ZNF470: variants seen among roughly 807,000 people sequenced by gnomAD.
ZNF470 encodes chondrogenesis zinc finger protein 1.
In ZNF470, 13 loss-of-function variants were observed where a neutral mutation model predicts 13.9. The ratio of observed to expected loss-of-function variants is 0.94; its 90% CI spans 0.61 to 1.49. ZNF470 has a LOEUF of 1.49. Ranked by LOEUF, ZNF470 falls within the 40% of genes most tolerant of loss-of-function variation. The pLI, the probability that ZNF470 is intolerant of heterozygous loss-of-function variation, is 0.00. For synonymous variants in ZNF470, 293 were observed against 282.9 expected (o/e 1.04, Z -0.36); for missense variants, 929 against 857.3 (o/e 1.08, Z -1.04).
intron 5 of ZNF470, 116 bp downstream of exon 5, chr19:56,574,849 C>G (rs2044478468): frequency 1.2e-6 from 1 of 865,184 alleles, no homozygotes; most frequent in Non-Finnish European, 1.8e-6. Context: ...TCTTCTAACA[C>G]CAGTTTTTGA....
At position 56,577,404 on chromosome 19, in the gene ZNF470, A is replaced by C. The variant is rs770694593; in HGVS notation, c.975A>C (p.Ala325=). ...GTAATAAAGCATTCAGCCAGCTTGC[A>C]CACCTTGCTCAACATCAGAGGGTCC... ...KQCNKAFSQL[A]HLAQHQRVHT... is the part of the protein sequence containing the mutation. Residue 325 remains alanine, a synonymous_variant, in exon 6 of 6, where the codon GCA becomes GCC. Transcript: ENST00000330619. 3.7e-6 allele frequency: 6 copies of C among 1,613,718 alleles called. No individual in the cohort carries two copies. The East Asian group carries it at 1.3e-4, about 36-fold the overall frequency.
rs973352860 is a variant in ZNF470, at chr19:56,579,719, T to C, written c.*1136T>C. The C allele has an allele frequency of 9.2e-6, 9 of 983,394 alleles. No homozygotes were observed. The Admixed American group carries it at 1.8e-4, about 20-fold the overall frequency. The allele number at this position is 983,394 out of a possible 1,614,324, so 60.9% of individuals were successfully genotyped here. ...GCAATTAGTTTCTGAATGTAGATGTTACAACTTAAACTTATTTTTAAAATA... is the reference window on the plus strand; with the variant it reads ...GCAATTAGTTTCTGAATGTAGATGTCACAACTTAAACTTATTTTTAAAATA... On this transcript the variant is annotated 3_prime_UTR_variant, in exon 6 of 6. Coordinates refer to ENST00000330619, the MANE Select transcript of ZNF470 (RefSeq NM_001001668.4).
intron 1 of ZNF470, 130 bp from the exon 2 acceptor site, chr19:56,568,628 A>G (rs12979383): frequency 0.33 from 50,561 of 152,142 alleles, 9,063 homozygotes; most frequent in African/African-American, 0.48. Context: ...AGTTTCCTGC[A>G]TGCTATAGTA....
At position 56,581,346 on chromosome 19, in the gene ZNF470, A is replaced by G; in HGVS notation, c.*2763A>G. On this transcript the variant is annotated 3_prime_UTR_variant, in exon 6 of 6. Coordinates refer to ENST00000330619, the MANE Select transcript of ZNF470 (RefSeq NM_001001668.4). ...CGAGTGATAACATTCAGTATTGGTG[A>G]ATGTGTGGAAACAAGGGAATTCCAT... 1 of 911,292 alleles carries G rather than the reference A, an allele frequency of 1.1e-6. No individual in the cohort carries two copies. The highest frequency in any genetic ancestry group is 1.3e-6 in the Non-Finnish European group (1 of 762,468). 56.5% of individuals were successfully genotyped at this position (911,292 alleles called of 1,614,324 possible). A position where few individuals can be genotyped will look rare whatever the true frequency, so the allele number is the denominator to read the frequency against.
At position 56,577,367 on chromosome 19, in the gene ZNF470, A is replaced by G. The variant is rs2044497185; in HGVS notation, c.938A>G (p.Gln313Arg). The stretch of plus-strand genomic sequence containing the variant: ...GTTCATACTGGAGAGAAACCTTATC[A>G]GTGTAAGCAGTGTAATAAAGCATTC... ...QRVHTGEKPY[Q>R]CKQCNKAFSQ... Residue 313 changes from glutamine to arginine, a missense_variant, in exon 6 of 6, where the codon CAG (glutamine) becomes CGG (arginine). Gln to Arg is a conservative substitution (Grantham distance 43). Coordinates refer to ENST00000330619, the MANE Select transcript of ZNF470 (RefSeq NM_001001668.4). The G allele has an allele frequency of 6.2e-7, 1 of 1,613,256 alleles. No individual in the cohort carries two copies. Among genetic ancestry groups the G allele is most frequent in the South Asian group, 1.1e-5 (1 of 91,044 alleles).
Position 56,578,648 on chromosome 19 carries a change from G to A in ZNF470, c.*65G>A. The A allele has an allele frequency of 1.4e-6, 2 of 1,383,258 alleles. No homozygotes were observed. The highest frequency in any genetic ancestry group is 1.9e-6 in the Non-Finnish European group (2 of 1,063,258). 85.7% of individuals were successfully genotyped at this position (1,383,258 alleles called of 1,614,324 possible). The stretch of plus-strand genomic sequence containing the variant: ...TTCCAGCACATGTCCCATCATCATA[G>A]TCCAAGACGCAACCATCTCATCTGG... On this transcript the variant is annotated 3_prime_UTR_variant, in exon 6 of 6. Transcript: ENST00000330619.
intron 2 of ZNF470, among the ~76,000 whole-genome samples, chr19:56,569,893 A>G (rs1264280362): frequency 6.6e-6 from 1 of 152,142 alleles, no homozygotes; most frequent in Admixed American, 6.5e-5. Flanking sequence ...AGGAGGCCTA[A>G]GCAGGAGGAT....
chr19:56,574,823 C>T (rs2044478382), intron 5 of ZNF470, 90 bp downstream of exon 5: 5 of 1,149,880 alleles, frequency 4.3e-6, no homozygotes, highest in Admixed American at 5.3e-5. Context: ...AAACTCCCTC[C>T]CAAACTGAAA....
At chr19:56,572,371 A>AATATATATATAT (rs1555772221) in intron 3 of ZNF470, among the ~76,000 whole-genome samples, 5 of 17,238 alleles carry the variant, frequency 2.9e-4, no homozygotes, top group African/African-American at 8.3e-4. Context: ...AAAAAAAAAA[A>AATATATATATAT]ATATATATAT....
In ZNF470 at chr19:56,576,965, C is replaced by A. The variant is rs992750967; in HGVS notation, c.536C>A (p.Thr179Lys). Reference sequence around the variant, plus strand: ...AGAGATCACTCTAACAAATCTGGGACAGTTTTTCATCTGAATACATTATCT... The same window carrying A: ...AGAGATCACTCTAACAAATCTGGGAAAGTTTTTCATCTGAATACATTATCT... ...EKRDHSNKSG[T>K]VFHLNTLSYI... The change falls in exon 6 of 6, where the codon ACA becomes AAA. Residue 179 changes from threonine (T) to lysine (K), a missense_variant. Physicochemically the swap from Thr to Lys is moderately conservative, Grantham distance 78. Coordinates refer to ENST00000330619, the MANE Select transcript of ZNF470 (RefSeq NM_001001668.4). 6.3e-7 allele frequency: 1 copy of A among 1,588,654 alleles called. No homozygotes were observed. Among genetic ancestry groups the A allele is most frequent in the Non-Finnish European group, 8.5e-7 (1 of 1,172,136 alleles).
rs28668141 is a variant in ZNF470 at position 56,578,975 on chromosome 19, A to G, written c.*392A>G. 0.37 allele frequency: 370,202 copies of G among 993,258 alleles called. 71,414 individuals carry two copies. Among genetic ancestry groups the G allele is most frequent in the African/African-American group, 0.64 (37,003 of 57,552 alleles). The allele number at this position is 993,258 out of a possible 1,614,324, so 61.5% of individuals were successfully genotyped here. ...AAGATTTTAGAGCAGACAGAAGACT[A>G]CTCTCCTGGTAGAGAGGAAAGATGA... On this transcript the variant is annotated 3_prime_UTR_variant, in exon 6 of 6. Transcript: ENST00000330619.
intron 3 of ZNF470, among the ~76,000 whole-genome samples, chr19:56,570,663 G>C (rs1372035916): frequency 6.6e-6 from 1 of 152,170 alleles, no homozygotes; most frequent in Non-Finnish European, 1.5e-5. Context: ...ATCTGACAAA[G>C]CAGAAGTACA....
Position 56,577,239 on chromosome 19 carries a change from C to T in ZNF470, c.810C>T (p.His270=), listed in dbSNP as rs749361392. The part of the protein sequence containing the change: ...ECGKAFSQSA[H]LAQHQRIHTG... ...GAAAGGCCTTTAGCCAGAGTGCCCA[C>T]CTTGCTCAACATCAGAGAATACACA... The change falls in exon 6 of 6, where the codon CAC becomes CAT. Residue 270 remains histidine, a synonymous_variant. Transcript: ENST00000330619. 4.3e-6 allele frequency: 7 copies of T among 1,611,732 alleles called. No homozygotes were observed. The African/African-American group carries it at 9.4e-5, about 22-fold the overall frequency.
Position 56,570,320 on chromosome 19 carries a change from C to A in ZNF470, c.9C>A (p.Ser3Arg). MK[S>R]QEEVEVAGIK... ...GTAAAGCTCTTCTCCAAATGAAGAG[C>A]CAGGAAGAGGTAGAGGTGGCAGGAA... The change falls in exon 3 of 6, where the codon AGC (serine) becomes AGA (arginine). Residue 3 changes from serine to arginine, a missense_variant. Ser to Arg is a moderately radical substitution (Grantham distance 110). Transcript: ENST00000330619. 2 of 1,614,074 alleles carry A rather than the reference C, an allele frequency of 1.2e-6. 1 individual carries two copies. Among genetic ancestry groups the A allele is most frequent in the South Asian group, 2.2e-5 (2 of 91,058 alleles).
Position 56,577,024 on chromosome 19 carries a change from ATATT to A in ZNF470, c.598_601del (p.Phe200IlefsTer9). ...ACAGATTTTTCCCATGGAAGAGAGA[ATATT>A]TAATTTTCATACAGATAAGAAAAGC... On this transcript the variant is annotated frameshift_variant, in exon 6 of 6. Transcript: ENST00000330619. LOFTEE classifies it low-confidence loss of function (END_TRUNC). 1.3e-6 allele frequency: 2 copies of A among 1,582,768 alleles called. No individual in the cohort carries two copies. Among genetic ancestry groups the A allele is most frequent in the Non-Finnish European group, 1.7e-6 (2 of 1,169,210 alleles).
Position 56,581,075 on chromosome 19 carries a change from C to A in ZNF470, c.*2492C>A, listed in dbSNP as rs1018290137. The A allele has an allele frequency of 2.0e-6, 2 of 984,358 alleles. No individual in the cohort carries two copies. Among genetic ancestry groups the A allele is most frequent in the Non-Finnish European group, 2.4e-6 (2 of 829,008 alleles). 61.0% of individuals were successfully genotyped at this position (984,358 alleles called of 1,614,324 possible). On this transcript the variant is annotated 3_prime_UTR_variant, in exon 6 of 6. Transcript: ENST00000330619. Reference sequence around the variant, plus strand: ...TAGGCTTTTATATGGTGGAAAACATCATAGTCAATAGATAAATGAGAGACT... The same window carrying A: ...TAGGCTTTTATATGGTGGAAAACATAATAGTCAATAGATAAATGAGAGACT...
At chr19:56,572,693 G>C (rs1485300310) in intron 3 of ZNF470, among the ~76,000 whole-genome samples, 1 of 151,664 alleles carries the variant, frequency 6.6e-6, no homozygotes, top group African/African-American at 2.4e-5. Context: ...AAGCCTTCTA[G>C]TTGATAATCA....
rs2044533747 is a variant in ZNF470 at position 56,581,299 on chromosome 19, T to C, written c.*2716T>C. 1.3e-6 allele frequency: 1 copy of C among 769,056 alleles called. No homozygotes were observed. Among genetic ancestry groups the C allele is most frequent in the South Asian group, 6.0e-5 (1 of 16,804 alleles). 47.6% of individuals were successfully genotyped at this position (769,056 alleles called of 1,614,324 possible). A position where few individuals can be genotyped will look rare whatever the true frequency, so the allele number is the denominator to read the frequency against. On this transcript the variant is annotated 3_prime_UTR_variant, in exon 6 of 6. Coordinates refer to ENST00000330619, the MANE Select transcript of ZNF470 (RefSeq NM_001001668.4). Reference sequence around the variant, plus strand: ...TGCAAATTAAAGTGATTATCTACTTTTTCCCCAAAAGACTGACTAATCGAG... The same window carrying C: ...TGCAAATTAAAGTGATTATCTACTTCTTCCCCAAAAGACTGACTAATCGAG...
chr19:56,573,862 T>C, intron 3 of ZNF470: 1 of 592,000 alleles, frequency 1.7e-6, no homozygotes, highest in Non-Finnish European at 2.1e-6. Flanking sequence ...ATACTTTTAT[T>C]TCAGAAGAAA....
Sources: gnomAD v4.1 joint callset for allele counts (sites outside exome capture counted in the v4.1 genomes callset) on GRCh38, gnomAD v4.1.1 for gene constraint, MANE v1.5 for transcripts, NCBI Gene and HGNC (gene_info 2026-07-23, HGNC 2026-07-21) for gene names.